Variants in EIF4E2 observed in about 807,000 individuals in gnomAD.
The protein encoded by EIF4E2 is eukaryotic translation initiation factor 4E type 2.
EIF4E2 carries 13 observed loss-of-function variants against 34.2 expected under a neutral mutation model. The observed-to-expected ratio is 0.38, with a 90% CI of 0.25 to 0.60. The LOEUF is 0.60. Ranked by LOEUF, EIF4E2 falls within the 20% of genes least tolerant of loss-of-function variation. The probability of loss-of-function intolerance (pLI) is 0.62; values close to 1 mark genes in which losing one functional copy is unlikely to be tolerated. For missense variants in EIF4E2, 222 were observed against 315.1 expected (o/e 0.70, Z 2.24); for synonymous variants, 100 against 106.6 (o/e 0.94, Z 0.38).
chr2:232,553,101 A>G (rs1353805078), intron 1 of EIF4E2, among the ~76,000 whole-genome samples: 1 of 152,194 alleles, frequency 6.6e-6, no homozygotes, highest in Non-Finnish European at 1.5e-5. Context: ...AATCTCCGTT[A>G]CTGTATGGAC....
Position 232,564,418 on chromosome 2 carries a change from C to T in EIF4E2, c.375+67C>T, listed in dbSNP as rs1692840380. 4.8e-6 allele frequency: 4 copies of T among 834,984 alleles called. No homozygotes were observed. In the Admixed American group the frequency reaches 1.1e-4, roughly 23 times the overall value. 51.7% of individuals were successfully genotyped at this position (834,984 alleles called of 1,614,324 possible). A position where few individuals can be genotyped will look rare whatever the true frequency, so the allele number is the denominator to read the frequency against. On this transcript the variant is annotated intron_variant, in intron 4 of 6. Coordinates refer to ENST00000258416, the MANE Select transcript of EIF4E2 (RefSeq NM_004846.4). ...GGGTTTTTTTGTTTTGTCTCTTAGC[C>T]CTGCCAAGGTTAAAAGTATTTTATT...
rs762391204 is a variant in EIF4E2 at position 232,569,044 on chromosome 2, C to G, written c.*27C>G. 14 of 1,612,740 alleles carry G rather than the reference C, an allele frequency of 8.7e-6. 1 individual carries two copies. Among genetic ancestry groups the G allele is most frequent in the South Asian group, 4.4e-5 (4 of 90,672 alleles). On this transcript the variant is annotated 3_prime_UTR_variant, in exon 7 of 7. Transcript: ENST00000258416. ...CCTCTCCCTCTCTGGATGGCACCAT[C>G]ATTGAAGCTGGCGTCATCGGAGTCT... is the stretch of plus-strand genomic sequence containing the variant.
At chr2:232,558,193 G>A (rs1692591439) in intron 3 of EIF4E2, 175 bp downstream of exon 3, 1 of 698,950 alleles carries the variant, frequency 1.4e-6, no homozygotes, top group South Asian at 2.2e-5. Context: ...AGATATCCAT[G>A]GTTAGCATGT....
intron 6 of EIF4E2, among the ~76,000 whole-genome samples, chr2:232,577,652 G>C (rs1380562511): frequency 6.6e-6 from 1 of 152,238 alleles, no homozygotes; most frequent in Non-Finnish European, 1.5e-5. Flanking sequence ...GGAATGTGAA[G>C]TTGGAAGCCA....
chr2:232,567,942 T>G (rs1334212787), intron 6 of EIF4E2: 3 of 981,006 alleles, frequency 3.1e-6, no homozygotes, highest in Non-Finnish European at 3.6e-6. Flanking sequence ...CAGCTAAGAG[T>G]TAGGACTCTT....
chr2:232,576,444 C>T (rs1002333734), intron 6 of EIF4E2, among the ~76,000 whole-genome samples: 1 of 152,110 alleles, frequency 6.6e-6, no homozygotes. Context: ...TTTGAATTGC[C>T]GTAAAAAGTC....
chr2:232,574,694 G>A (rs1574677224), intron 6 of EIF4E2, among the ~76,000 whole-genome samples: 2 of 152,178 alleles, frequency 1.3e-5, no homozygotes, highest in Non-Finnish European at 2.9e-5. Flanking sequence ...GCAATGTCCT[G>A]TGAGTAAAAG....
At chr2:232,580,394 T>C (rs1693324699) in intron 6 of EIF4E2, among the ~76,000 whole-genome samples, 1 of 152,162 alleles carries the variant, frequency 6.6e-6, no homozygotes, top group Non-Finnish European at 1.5e-5. Context: ...CTGCCCAGTT[T>C]CTAGTGTGCC....
chr2:232,565,128 T>C (rs977050696), intron 4 of EIF4E2, among the ~76,000 whole-genome samples: 2 of 152,228 alleles, frequency 1.3e-5, no homozygotes, highest in East Asian at 1.9e-4. Context: ...AGAAGACAAA[T>C]GTGGTCACAT....
At chr2:232,562,059 T>TA (rs898076303) in intron 3 of EIF4E2, among the ~76,000 whole-genome samples, 59 of 148,370 alleles carry the variant, frequency 4.0e-4, no homozygotes, top group African/African-American at 1.4e-3. Context: ...ACAAAAAAAG[T>TA]AAAAAAATAG....
intron 3 of EIF4E2, among the ~76,000 whole-genome samples, chr2:232,559,718 A>G (rs1002490727): frequency 6.6e-6 from 1 of 151,456 alleles, no homozygotes; most frequent in Non-Finnish European, 1.5e-5. Flanking sequence ...CTGAGGTGGG[A>G]AGATTGTTTG....
chr2:232,580,690 A>G (rs527456100), intron 6 of EIF4E2, among the ~76,000 whole-genome samples: 1 of 152,296 alleles, frequency 6.6e-6, no homozygotes, highest in South Asian at 2.1e-4. Flanking sequence ...ATTGTTTCTA[A>G]TCTTTTGCTG....
At chr2:232,580,773 G>A (rs1173619015) in intron 6 of EIF4E2, 1 of 791,736 alleles carries the variant, frequency 1.3e-6, no homozygotes, top group Non-Finnish European at 2.0e-6. Context: ...AGATTGGCAA[G>A]TGAAGAAGGC....
In EIF4E2 at chr2:232,581,785, G is replaced by C. The variant is rs1693365527; in HGVS notation, c.*842G>C. ...TGTGTCAGGCCTGTTTCCCATATGA[G>C]CAGAGCCTGTGTGCAAGTCTGTTTC... On this transcript the variant is annotated 3_prime_UTR_variant, in exon 7 of 7. Transcript: ENST00000409098. This position sits in a 1 kb window ranked among gnomAD's most constrained non-coding sequence, Gnocchi z 5.2. 1 of 152,518 alleles carries C rather than the reference G, an allele frequency of 6.6e-6. No individual in the cohort carries two copies. The highest frequency in any genetic ancestry group is 2.4e-5 in the African/African-American group (1 of 41,444). 9.4% of individuals were successfully genotyped at this position (152,518 alleles called of 1,614,324 possible).
chr2:232,560,640 C>T (rs1270523488), intron 3 of EIF4E2, among the ~76,000 whole-genome samples: 1 of 152,138 alleles, frequency 6.6e-6, no homozygotes, highest in South Asian at 2.1e-4. Flanking sequence ...CAAAACTTTT[C>T]TGCTTCAAAG....
intron 3 of EIF4E2, among the ~76,000 whole-genome samples, chr2:232,559,304 A>G (rs1362660898): frequency 6.6e-6 from 1 of 151,612 alleles, no homozygotes; most frequent in African/African-American, 2.4e-5. Flanking sequence ...TTGGTTCTTT[A>G]TTAGTACTCC....
chr2:232,574,779 G>C (rs1401706734), intron 6 of EIF4E2, among the ~76,000 whole-genome samples: 1 of 152,176 alleles, frequency 6.6e-6, no homozygotes, highest in Non-Finnish European at 1.5e-5. Flanking sequence ...TGTCAGTTGT[G>C]AGGAAACAGT....
downstream of EIF4E2, among the ~76,000 whole-genome samples, chr2:232,570,051 A>T: frequency 6.6e-6 from 1 of 152,122 alleles, no homozygotes; most frequent in South Asian, 2.1e-4. Flanking sequence ...ATAAACAATC[A>T]TTTTTTTGCA....
At position 232,581,042 on chromosome 2, in the gene EIF4E2, C is replaced by T. The variant is rs1387974345; in HGVS notation, c.*99C>T. ...GTCCTTCCATTGCTCACTGAAGGGACGTCCCTGAGCCGTGCGCTCTCCTTT... is the reference window on the plus strand; with the variant it reads ...GTCCTTCCATTGCTCACTGAAGGGATGTCCCTGAGCCGTGCGCTCTCCTTT... On this transcript the variant is annotated 3_prime_UTR_variant, in exon 7 of 7. Coordinates refer to the EIF4E2 transcript ENST00000409098. The surrounding 1 kb of genome is among the most constrained non-coding windows in gnomAD (Gnocchi z 5.2). The T allele has an allele frequency of 5.8e-6, 7 of 1,212,580 alleles. No individual in the cohort carries two copies. The highest frequency in any genetic ancestry group is 3.9e-5 in the South Asian group (3 of 77,286). The allele number at this position is 1,212,580 out of a possible 1,614,324, so 75.1% of individuals were successfully genotyped here.
Sources: allele counts gnomAD v4.1 joint callset (sites outside exome capture counted in the v4.1 genomes callset), GRCh38; gene constraint gnomAD v4.1.1; non-coding constraint Gnocchi (gnomAD v3.1); transcripts MANE v1.5; gene names NCBI Gene and HGNC (gene_info 2026-07-23, HGNC 2026-07-21).